KIAA1217: variants seen among roughly 807,000 people sequenced by gnomAD.
KIAA1217 encodes the protein KIAA1217.
In KIAA1217, 88 loss-of-function variants were observed where a neutral mutation model predicts 163.9. The observed-to-expected ratio is 0.54, with a 90% CI of 0.45 to 0.64. The LOEUF is 0.64. Among genes scored for constraint, KIAA1217 ranks in the 30% least tolerant of loss-of-function variants. KIAA1217 has a pLI of 0.00. For synonymous variants in KIAA1217, 903 were observed against 923.1 expected, an observed-to-expected ratio of 0.98 and a Z score of 0.39; for missense variants, 2,372 against 2,475.0, an observed-to-expected ratio of 0.96 and a Z score of 0.88.
At chr10:23,748,445 GAAGGAAGGAAGGAAGC>G (rs1721190384) in intron 1 of KIAA1217, among the ~76,000 whole-genome samples, 2 of 139,228 alleles carry the variant, frequency 1.4e-5, no homozygotes, top group East Asian at 2.1e-4. Context: ...CTTCTGGAAG[GAAGGAAGGAAGGAAGC>G]AAGGAAGGAA....
chr10:24,301,835 A>T (rs2132721852), intron 2 of KIAA1217, among the ~76,000 whole-genome samples: 1 of 152,258 alleles, frequency 6.6e-6, no homozygotes, highest in Non-Finnish European at 1.5e-5. Flanking sequence ...ACCTGAGGTC[A>T]GGAGTTCGAG....
chr10:24,139,086 T>C (rs1280166081), intron 2 of KIAA1217, among the ~76,000 whole-genome samples: 1 of 152,158 alleles, frequency 6.6e-6, no homozygotes, highest in Non-Finnish European at 1.5e-5. Flanking sequence ...ATTTTGGCTT[T>C]TTCATTTTAT....
At chr10:23,797,510 T>A (rs1225520724) in intron 1 of KIAA1217, among the ~76,000 whole-genome samples, 1 of 152,132 alleles carries the variant, frequency 6.6e-6, no homozygotes, top group Non-Finnish European at 1.5e-5. Context: ...CTGGGTAATT[T>A]ATGAAGCAAA....
intron 1 of KIAA1217, among the ~76,000 whole-genome samples, chr10:23,944,948 G>A (rs934960943): frequency 5.3e-5 from 8 of 151,610 alleles, no homozygotes; most frequent in African/African-American, 1.9e-4. Flanking sequence ...AATTCCAGCT[G>A]CTCTGGAGGC....
rs376638795 is a variant in KIAA1217 at position 23,991,473 on chromosome 10, A to C, written c.-320-15752A>C. 5.6e-4 allele frequency among the ~76,000 whole-genome samples: 85 copies of C among 152,304 alleles called. No homozygotes were observed. In the South Asian group the frequency reaches 0.017, roughly 31 times the overall value. On this transcript the variant is annotated intron_variant, in intron 1 of 18. Transcript: ENST00000376462. ...TAAGAAATAAATGGATGCATGAAGAAGTGAGATCATAGATCCTGTATCTGC... is the reference window on the plus strand; with the variant it reads ...TAAGAAATAAATGGATGCATGAAGACGTGAGATCATAGATCCTGTATCTGC...
intron 1 of KIAA1217, among the ~76,000 whole-genome samples, chr10:23,782,861 T>C (rs1050111190): frequency 1.3e-5 from 2 of 152,206 alleles, no homozygotes; most frequent in African/African-American, 4.8e-5. Flanking sequence ...TGCCAGTACT[T>C]CTACTATTAT....
chr10:24,543,498 G>T lies in KIAA1217; in HGVS notation c.4228G>T (p.Asp1410Tyr). Reference sequence around the variant, plus strand: ...TGATATTGTTAGCCAAAAGGGAGAAGACATACAGACGGTTAATATCGATGC... The same window carrying T: ...TGATATTGTTAGCCAAAAGGGAGAATACATACAGACGGTTAATATCGATGC... ...VHDIVSQKGE[D>Y]IQTVNIDARK... is the part of the protein sequence containing the mutation. The change falls in exon 19 of 21, where the codon GAC (aspartate) becomes TAC (tyrosine). Residue 1410 changes from aspartate to tyrosine, a missense_variant. Asp to Tyr is a radical substitution (Grantham distance 160). Around this residue, in one of 3 missense-constraint regions of KIAA1217, gnomAD observed 690 missense variants for 677.5 expected, o/e 1.02. Transcript: ENST00000376454. 3.7e-6 allele frequency: 6 copies of T among 1,614,112 alleles called. No individual in the cohort carries two copies. Among genetic ancestry groups the T allele is most frequent in the Non-Finnish European group, 5.1e-6 (6 of 1,180,030 alleles).
chr10:24,492,759 CT>C (rs200905978), intron 6 of KIAA1217, among the ~76,000 whole-genome samples: 3,843 of 151,980 alleles, frequency 0.025, 64 homozygotes, highest in Non-Finnish European at 0.04. Context: ...CAAAATTACC[CT>C]TGAATATCAT....
At chr10:24,509,291 C>G (rs531397901) in intron 9 of KIAA1217, among the ~76,000 whole-genome samples, 1 of 152,304 alleles carries the variant, frequency 6.6e-6, no homozygotes, top group Admixed American at 6.5e-5. Flanking sequence ...GGAAAGCAGA[C>G]AGAGAACCTA....
chr10:24,134,244 G>A (rs1045946464), intron 2 of KIAA1217, among the ~76,000 whole-genome samples: 14 of 152,204 alleles, frequency 9.2e-5, no homozygotes, highest in Admixed American at 2.6e-4. Flanking sequence ...GGCTGATGGT[G>A]CATTGTTAAG....
intron 5 of KIAA1217, among the ~76,000 whole-genome samples, chr10:24,456,620 T>C (rs1157236631): frequency 1.3e-5 from 2 of 152,006 alleles, no homozygotes; most frequent in East Asian, 1.9e-4. Flanking sequence ...CTTTGAGTCA[T>C]AATCCAGTGC....
At chr10:23,742,497 C>T (rs899874722) in intron 1 of KIAA1217, among the ~76,000 whole-genome samples, 2 of 152,114 alleles carry the variant, frequency 1.3e-5, no homozygotes, top group African/African-American at 2.4e-5. Flanking sequence ...CTGGGGAGGG[C>T]TTGGGGAGCT....
chr10:24,373,807 A>G (rs2052049457), intron 2 of KIAA1217, among the ~76,000 whole-genome samples: 2 of 152,230 alleles, frequency 1.3e-5, no homozygotes, highest in Admixed American at 6.5e-5. Context: ...CGCTCCACAC[A>G]GAGGATGCCT....
At chr10:24,141,225 A>ACC (rs34205608) in intron 2 of KIAA1217, among the ~76,000 whole-genome samples, 8,319 of 76,130 alleles carry the variant, frequency 0.11, 1,077 homozygotes, top group Non-Finnish European at 0.13. Flanking sequence ...GAAAGAATAA[A>ACC]CCCCCCCCCC....
At chr10:24,405,480 C>G (rs1426980187) in intron 3 of KIAA1217, among the ~76,000 whole-genome samples, 1 of 152,002 alleles carries the variant, frequency 6.6e-6, no homozygotes, top group African/African-American at 2.4e-5. Context: ...ATAAAAATAC[C>G]TGGCAGAAAC....
chr10:23,939,443 G>GTA (rs1843664758), intron 1 of KIAA1217, among the ~76,000 whole-genome samples: 4 of 151,988 alleles, frequency 2.6e-5, no homozygotes, highest in Admixed American at 2.6e-4. Flanking sequence ...AAAGGAAACT[G>GTA]TATAGCTATA....
At chr10:24,339,701 A>G (rs968613429) in intron 2 of KIAA1217, among the ~76,000 whole-genome samples, 3 of 152,230 alleles carry the variant, frequency 2.0e-5, no homozygotes, top group African/African-American at 7.2e-5. Flanking sequence ...GGTTAACTCA[A>G]TGAGGATAGC....
chr10:24,209,161 G>C lies in KIAA1217; in HGVS notation c.-33G>C. ...TTAGAACTGCGCTCTGAAGTTTCCA[G>C]AGAGCGAGGAGCTTTTGCGGCAGGC... On this transcript the variant is annotated 5_prime_UTR_variant, in exon 1 of 21. Transcript: ENST00000376454. 6.2e-7 allele frequency: 1 copy of C among 1,606,676 alleles called. No individual in the cohort carries two copies. The highest frequency in any genetic ancestry group is 8.5e-7 in the Non-Finnish European group (1 of 1,173,530).
rs556624866 is a variant in KIAA1217 at position 24,282,711 on chromosome 10, C to T, written c.354+62802C>T. Among the ~76,000 whole-genome samples the T allele has an allele frequency of 7.3e-4, 110 of 151,060 alleles. 1 individual carries two copies. Among genetic ancestry groups the T allele is most frequent in the African/African-American group, 2.3e-3 (94 of 41,186 alleles). On this transcript the variant is annotated intron_variant, in intron 2 of 20. Coordinates refer to ENST00000376454, the MANE Select transcript of KIAA1217 (RefSeq NM_019590.5). ...TGTTTTGTGGCTCTTCTTTATGGCA[C>T]TGAAAGATACTCCAGGCTCATCTTC...
Sources: gnomAD v4.1 joint callset for allele counts (sites outside exome capture counted in the v4.1 genomes callset) on GRCh38, gnomAD v4.1.1 for gene constraint, gnomAD v4.1.1 regional missense constraint, MANE v1.5 for transcripts, NCBI Gene and HGNC (gene_info 2026-07-23, HGNC 2026-07-21) for gene names.